PATJ: variants seen among roughly 807,000 people sequenced by gnomAD.
PATJ encodes PATJ crumbs cell polarity complex component.
In PATJ, 190 loss-of-function variants were observed where a neutral mutation model predicts 224.9. The ratio of observed to expected loss-of-function variants is 0.84; its 90% CI spans 0.75 to 0.95. The LOEUF is 0.95. PATJ is among the 40% of genes least tolerant of loss of function. PATJ has a pLI of 0.00. For missense variants in PATJ, 2,121 were observed against 2,270.3 expected, an observed-to-expected ratio of 0.93 and a Z score of 1.34; for synonymous variants, 769 against 820.3, an observed-to-expected ratio of 0.94 and a Z score of 1.07.
At chr1:61,816,411 C>T (rs902914094) in intron 14 of PATJ, 9 of 152,054 alleles carry the variant, frequency 5.9e-5, no homozygotes, top group African/African-American at 1.9e-4. Context: ...AATTAGGAAA[C>T]AAATCATATG....
chr1:62,019,262 C>T (rs565519964), intron 29 of PATJ, among the ~76,000 whole-genome samples: 4 of 149,840 alleles, frequency 2.7e-5, no homozygotes, highest in East Asian at 3.9e-4. Context: ...AAAAAAAGGC[C>T]GGGCATGGTG....
At chr1:61,998,271 A>T (rs1006374925) in intron 28 of PATJ, among the ~76,000 whole-genome samples, 1 of 151,164 alleles carries the variant, frequency 6.6e-6, no homozygotes, top group Non-Finnish European at 1.5e-5. Context: ...TTTAGTAGAG[A>T]TGGGGTTTCA....
chr1:61,948,251 G>T (rs1396002050), intron 27 of PATJ, among the ~76,000 whole-genome samples: 3 of 152,246 alleles, frequency 2.0e-5, no homozygotes, highest in Non-Finnish European at 4.4e-5. Context: ...CACAGCAAAA[G>T]AAACTACCAT....
rs1461042786 is a variant in PATJ at position 61,781,005 on chromosome 1, A to G, written c.849+5671A>G. On this transcript the variant is annotated intron_variant, in intron 7 of 43. Transcript: ENST00000642238. ...CCAGACATTGTTATCTGCTTAATGT[A>G]CATTATTCTCATGTAACCTTCAAAA... 3.3e-5 allele frequency among the ~76,000 whole-genome samples: 5 copies of G among 152,180 alleles called. No individual in the cohort carries two copies. In the East Asian group the frequency reaches 9.6e-4, roughly 29 times the overall value.
chr1:62,098,594 CAA>C (rs111316760), intron 33 of PATJ, among the ~76,000 whole-genome samples: 9 of 138,978 alleles, frequency 6.5e-5, no homozygotes, highest in Non-Finnish European at 9.5e-5. Flanking sequence ...GACCGTGTCT[CAA>C]AAAAAAAAAA....
intron 31 of PATJ, among the ~76,000 whole-genome samples, chr1:62,063,038 T>G (rs924682827): frequency 2.0e-5 from 3 of 152,242 alleles, no homozygotes; most frequent in African/African-American, 7.2e-5. Flanking sequence ...ATTTTTGTTT[T>G]GGTTGCAATT....
At chr1:62,120,488 C>T (rs1664916324) in intron 37 of PATJ, among the ~76,000 whole-genome samples, 1 of 152,086 alleles carries the variant, frequency 6.6e-6, no homozygotes, top group Admixed American at 6.6e-5. Context: ...ATAAGAAAGG[C>T]CCTTCACTAT....
chr1:61,976,406 T>C (rs1644135642), intron 27 of PATJ, among the ~76,000 whole-genome samples: 1 of 151,916 alleles, frequency 6.6e-6, no homozygotes, highest in Non-Finnish European at 1.5e-5. Flanking sequence ...GTTTTTTTGT[T>C]TGTTTGTTTG....
chr1:62,060,578 T>C (rs562442876), intron 31 of PATJ, among the ~76,000 whole-genome samples: 1 of 151,914 alleles, frequency 6.6e-6, no homozygotes, highest in Admixed American at 6.6e-5. Flanking sequence ...CATGTTCAGT[T>C]CAGCAGTTCT....
intron 30 of PATJ, among the ~76,000 whole-genome samples, chr1:62,046,891 G>T (rs1652671938): frequency 6.6e-6 from 1 of 152,188 alleles, no homozygotes; most frequent in East Asian, 1.9e-4. Context: ...ACATCTTAAA[G>T]GATGCATAGA....
intron 1 of PATJ, among the ~76,000 whole-genome samples, chr1:61,746,977 C>T (rs1175055329): frequency 6.6e-6 from 1 of 152,170 alleles, no homozygotes; most frequent in Non-Finnish European, 1.5e-5. Flanking sequence ...TGCATTTTTA[C>T]TTAACAGCAT....
At chr1:62,043,623 T>C (rs1190312356) in intron 30 of PATJ, among the ~76,000 whole-genome samples, 2 of 152,208 alleles carry the variant, frequency 1.3e-5, no homozygotes, top group Admixed American at 1.3e-4. Context: ...TTTTAATAGT[T>C]ACATACAAAA....
intron 30 of PATJ, among the ~76,000 whole-genome samples, chr1:62,046,929 A>G (rs1652674874): frequency 6.6e-6 from 1 of 152,202 alleles, no homozygotes; most frequent in Non-Finnish European, 1.5e-5. Context: ...TGCTTTGCCC[A>G]TGTTTTCTTA....
intron 7 of PATJ, among the ~76,000 whole-genome samples, chr1:61,780,154 A>G (rs1214949100): frequency 6.6e-6 from 1 of 152,136 alleles, no homozygotes; most frequent in East Asian, 1.9e-4. Context: ...GAGAATGTTC[A>G]TTTTATAGAC....
chr1:61,915,046 C>T (rs1053764053), intron 26 of PATJ, among the ~76,000 whole-genome samples: 1 of 152,166 alleles, frequency 6.6e-6, no homozygotes, highest in Non-Finnish European at 1.5e-5. Flanking sequence ...TCTTTAAGGA[C>T]CACATCAAAG....
intron 26 of PATJ, among the ~76,000 whole-genome samples, chr1:61,917,723 A>C (rs1557873801): frequency 6.6e-6 from 1 of 152,122 alleles, no homozygotes; most frequent in Non-Finnish European, 1.5e-5. Context: ...CGGTAGGAGC[A>C]TGTGTTCTTT....
chr1:62,053,458 G>A (rs1570350618), intron 31 of PATJ, among the ~76,000 whole-genome samples: 1 of 152,288 alleles, frequency 6.6e-6, no homozygotes, highest in South Asian at 2.1e-4. Flanking sequence ...AGTGGCTCAC[G>A]CCTGTAATCC....
At chr1:61,837,237 A>C (rs886711525) in intron 17 of PATJ, among the ~76,000 whole-genome samples, 1 of 152,244 alleles carries the variant, frequency 6.6e-6, no homozygotes, top group Non-Finnish European at 1.5e-5. Flanking sequence ...ACAATTATTC[A>C]GTTTAGAAAA....
At chr1:61,835,319 C>A (rs1659995302) in intron 17 of PATJ, among the ~76,000 whole-genome samples, 2 of 152,132 alleles carry the variant, frequency 1.3e-5, no homozygotes, top group Non-Finnish European at 2.9e-5. Context: ...TATCTAGAAC[C>A]ACTAGGTGGT....
Sources: allele counts gnomAD v4.1 joint callset (sites outside exome capture counted in the v4.1 genomes callset), GRCh38; gene constraint gnomAD v4.1.1; transcripts MANE v1.5; gene names NCBI Gene and HGNC (gene_info 2026-07-23, HGNC 2026-07-21).